Variants in PDLIM1 observed in about 807,000 individuals in gnomAD.
PDLIM1 encodes the protein PDZ and LIM domain protein 1.
Under a neutral mutation model 35.2 loss-of-function variants are expected in PDLIM1, and 25 were observed. The ratio of observed to expected loss-of-function variants is 0.71; its 90% CI spans 0.52 to 0.99. The LOEUF is 0.99. PDLIM1 is among the 50% of genes least tolerant of loss of function. The pLI is 0.00. For missense variants in PDLIM1, 363 were observed against 415.3 expected, an observed-to-expected ratio of 0.87 and a Z score of 1.09; for synonymous variants, 152 against 154.0, an observed-to-expected ratio of 0.99 and a Z score of 0.10.
chr10:95,279,889 A>G (rs1448655670), intron 1 of PDLIM1, among the ~76,000 whole-genome samples: 3 of 152,192 alleles, frequency 2.0e-5, no homozygotes, highest in Non-Finnish European at 4.4e-5. Context: ...CGATGAGGAA[A>G]AATATTATTT....
chr10:95,260,170 C>A (rs2035348272), intron 4 of PDLIM1, among the ~76,000 whole-genome samples: 1 of 152,214 alleles, frequency 6.6e-6, no homozygotes, highest in Non-Finnish European at 1.5e-5. Context: ...ATTGTCTCAA[C>A]AACCTGGTGG....
chr10:95,263,610 G>A lies in PDLIM1; in HGVS notation c.533+254C>T, dbSNP rs1421607830. On this transcript the variant is annotated intron_variant, in intron 4 of 6. Coordinates refer to ENST00000329399, the MANE Select transcript of PDLIM1 (RefSeq NM_020992.4). ...AACACAAATAAAAACAGTTCTGGAG[G>A]ATTAAGTGATTTGTTTGTGCTTAAC... Among the ~76,000 whole-genome samples the A allele has an allele frequency of 2.6e-5, 4 of 152,194 alleles. No homozygotes were observed. In the East Asian group the frequency reaches 7.7e-4, roughly 29 times the overall value.
intron 3 of PDLIM1, among the ~76,000 whole-genome samples, chr10:95,264,415 C>T (rs1406280437): frequency 1.3e-5 from 2 of 152,198 alleles, no homozygotes; most frequent in Non-Finnish European, 2.9e-5. Flanking sequence ...TTTCAGGGCA[C>T]ATACCAAAGA....
rs559583603 is a variant in PDLIM1 at position 95,270,592 on chromosome 10, T to C, written c.248+1041A>G. Reference sequence around the variant, plus strand: ...ACCCTAATTACAGCTCCCAAGGTGCTACCCTCATTCATTCTTTTATCCCCA... The same window carrying C: ...ACCCTAATTACAGCTCCCAAGGTGCCACCCTCATTCATTCTTTTATCCCCA... On this transcript the variant is annotated intron_variant, in intron 2 of 6. Coordinates refer to ENST00000329399, the MANE Select transcript of PDLIM1 (RefSeq NM_020992.4). Among the ~76,000 whole-genome samples the C allele has an allele frequency of 1.8e-4, 27 of 152,278 alleles. No individual in the cohort carries two copies. In the South Asian group the frequency reaches 5.4e-3, roughly 30 times the overall value.
At chr10:95,275,330 G>T (rs1311318400) in intron 1 of PDLIM1, among the ~76,000 whole-genome samples, 1 of 152,166 alleles carries the variant, frequency 6.6e-6, no homozygotes, top group Non-Finnish European at 1.5e-5. Flanking sequence ...CTTCCATTTA[G>T]CCAGCTCTAC....
Position 95,245,822 on chromosome 10 carries a change from C to G in PDLIM1, c.685+1393G>C, listed in dbSNP as rs1324685505. ...TGCCACTCTCTCTAAAGAAATCACA[C>G]AAATGGGGAGGAAGCCCAGGTGTCG... is the stretch of plus-strand genomic sequence containing the variant. On this transcript the variant is annotated intron_variant, in intron 5 of 6. Transcript: ENST00000329399. Among the ~76,000 whole-genome samples the G allele has an allele frequency of 2.0e-5, 3 of 152,314 alleles. No individual in the cohort carries two copies. In the East Asian group the frequency reaches 5.8e-4, roughly 29 times the overall value.
chr10:95,242,411 C>T lies in PDLIM1; in HGVS notation c.686-3726G>A, dbSNP rs115502671. ...CTTAAATTCTGCACTCAAGGCCGGGCGCAGTGGCTCATGCCTGTAATCCCC... is the reference window on the plus strand; with the variant it reads ...CTTAAATTCTGCACTCAAGGCCGGGTGCAGTGGCTCATGCCTGTAATCCCC... On this transcript the variant is annotated intron_variant, in intron 5 of 6. Transcript: ENST00000329399. 3.2e-3 allele frequency among the ~76,000 whole-genome samples: 483 copies of T among 152,162 alleles called. 1 individual carries two copies. The highest frequency in any genetic ancestry group is 0.011 in the African/African-American group (455 of 41,506).
At position 95,247,440 on chromosome 10, in the gene PDLIM1, G is replaced by C. The variant is rs45626739; in HGVS notation, c.534-74C>G. 1.2e-3 allele frequency: 1,415 copies of C among 1,193,430 alleles called. 13 individuals carry two copies. In the African/African-American group the frequency reaches 0.018, roughly 15 times the overall value. The allele number at this position is 1,193,430 out of a possible 1,614,324, so 73.9% of individuals were successfully genotyped here. ...ATAACTTCACCAGGAACCTCCTCCA[G>C]GCAGACACTGCTGATTTGAAGGATG... is the stretch of plus-strand genomic sequence containing the variant. On this transcript the variant is annotated intron_variant, in intron 4 of 6. Coordinates refer to ENST00000329399, the MANE Select transcript of PDLIM1 (RefSeq NM_020992.4).
At chr10:95,287,078 G>A (rs2035609130) in intron 1 of PDLIM1, among the ~76,000 whole-genome samples, 1 of 152,200 alleles carries the variant, frequency 6.6e-6, no homozygotes, top group Non-Finnish European at 1.5e-5. Flanking sequence ...GTCAGAGGGT[G>A]ATAATGTAGT....
chr10:95,241,207 C>G (rs2035175141), intron 5 of PDLIM1, among the ~76,000 whole-genome samples: 1 of 152,128 alleles, frequency 6.6e-6, no homozygotes, highest in Non-Finnish European at 1.5e-5. Context: ...TCCTTCCGAA[C>G]CAAAAATTGA....
chr10:95,247,684 G>C (rs2035234224), intron 4 of PDLIM1: 1 of 204,328 alleles, frequency 4.9e-6, no homozygotes, highest in Non-Finnish European at 9.7e-6. Flanking sequence ...ATTATGTCCA[G>C]AGAAAATTTA....
intron 4 of PDLIM1, among the ~76,000 whole-genome samples, chr10:95,259,609 C>T (rs1476373374): frequency 6.6e-6 from 1 of 152,138 alleles, no homozygotes; most frequent in Non-Finnish European, 1.5e-5. Context: ...GAGGAATGCC[C>T]GCACAGCAGA....
intron 1 of PDLIM1, among the ~76,000 whole-genome samples, chr10:95,287,277 T>C (rs1444087158): frequency 1.3e-5 from 2 of 152,208 alleles, no homozygotes; most frequent in Non-Finnish European, 2.9e-5. Context: ...CTTTTCATAA[T>C]CTGACAGACA....
At position 95,271,625 on chromosome 10, in the gene PDLIM1, G is replaced by C. The variant is rs371466406; in HGVS notation, c.248+8C>G. The C allele has an allele frequency of 1.9e-6, 3 of 1,592,778 alleles. No individual in the cohort carries two copies. In the African/African-American group the frequency reaches 4.1e-5, roughly 22 times the overall value. On this transcript the variant is annotated splice_region_variant and intron_variant, in intron 2 of 6. Coordinates refer to ENST00000329399, the MANE Select transcript of PDLIM1 (RefSeq NM_020992.4). The stretch of plus-strand genomic sequence containing the variant: ...CAGAAATGAACAAAACGTTTCCATA[G>C]GCTTCACCTGGCTACAGTGAGAGTC...
Position 95,290,398 on chromosome 10 carries a change from C to G in PDLIM1, c.96+422G>C, listed in dbSNP as rs929332696. On this transcript the variant is annotated intron_variant, in intron 1 of 6. Coordinates refer to ENST00000329399, the MANE Select transcript of PDLIM1 (RefSeq NM_020992.4). The surrounding 1 kb of genome is among the most constrained non-coding windows in gnomAD (Gnocchi z 4.7). ...CCCACCCCAGTAAACTTCCCACCCA[C>G]CCCACCTCACTTTCCAGGTCTTTCC... Among the ~76,000 whole-genome samples the G allele has an allele frequency of 6.6e-6, 1 of 150,432 alleles. No individual in the cohort carries two copies. Among genetic ancestry groups the G allele is most frequent in the Non-Finnish European group, 1.5e-5 (1 of 67,638 alleles).
At chr10:95,286,003 G>A (rs1377773121) in intron 1 of PDLIM1, among the ~76,000 whole-genome samples, 2 of 152,192 alleles carry the variant, frequency 1.3e-5, no homozygotes, top group African/African-American at 4.8e-5. Flanking sequence ...TGAAATCACA[G>A]TGTTTTCTAA....
chr10:95,259,108 A>G (rs1162613458), intron 4 of PDLIM1, among the ~76,000 whole-genome samples: 1 of 152,126 alleles, frequency 6.6e-6, no homozygotes, highest in Non-Finnish European at 1.5e-5. Context: ...AGAGATGGAA[A>G]TGTTCAGTAT....
chr10:95,288,035 A>G (rs559317671), intron 1 of PDLIM1, among the ~76,000 whole-genome samples: 7 of 152,176 alleles, frequency 4.6e-5, no homozygotes, highest in Admixed American at 1.3e-4. Context: ...AGGGATTACC[A>G]TAGGTCAGGA....
chr10:95,251,110 A>G (rs1286900079), intron 4 of PDLIM1, among the ~76,000 whole-genome samples: 1 of 152,218 alleles, frequency 6.6e-6, no homozygotes, highest in South Asian at 2.1e-4. Context: ...GGTGAGGGTC[A>G]GAAGGACGAG....
Sources: allele counts gnomAD v4.1 joint callset (sites outside exome capture counted in the v4.1 genomes callset), GRCh38; gene constraint gnomAD v4.1.1; non-coding constraint Gnocchi (gnomAD v3.1); transcripts MANE v1.5; gene names NCBI Gene and HGNC (gene_info 2026-07-23, HGNC 2026-07-21).